Variants in ARB2A observed in about 807,000 individuals in gnomAD.
ARB2A encodes ARB2 cotranscriptional regulator A.
chr5:93,714,769 A>G, the ARB2A span, among the ~76,000 whole-genome samples: 3 of 152,046 alleles, frequency 2.0e-5, no homozygotes, highest in African/African-American at 4.8e-5. Context: ...GTCACCTGCA[A>G]CTCTTACACA....
At chr5:94,041,933 C>T in the ARB2A span, among the ~76,000 whole-genome samples, 1 of 142,904 alleles carries the variant, frequency 7.0e-6, no homozygotes, top group Admixed American at 7.5e-5. Flanking sequence ...CAAGATTTTT[C>T]ACAAAAAAAA....
At chr5:93,714,400 T>C in the ARB2A span, among the ~76,000 whole-genome samples, 1 of 152,212 alleles carries the variant, frequency 6.6e-6, no homozygotes, top group African/African-American at 2.4e-5. Flanking sequence ...GGTGCAAATA[T>C]GCTTCCCAAC....
chr5:93,645,861 G>A, the ARB2A span, among the ~76,000 whole-genome samples: 1 of 152,154 alleles, frequency 6.6e-6, no homozygotes, highest in Non-Finnish European at 1.5e-5. Context: ...GAAGAAATAT[G>A]TAACTAATTC....
chr5:93,718,487 C>T, the ARB2A span, among the ~76,000 whole-genome samples: 2 of 151,682 alleles, frequency 1.3e-5, no homozygotes, highest in Non-Finnish European at 2.9e-5. Flanking sequence ...TTTTTGTATC[C>T]AAAACTCAGA....
the ARB2A span, among the ~76,000 whole-genome samples, chr5:93,892,441 T>C: frequency 6.6e-6 from 1 of 152,212 alleles, no homozygotes; most frequent in Non-Finnish European, 1.5e-5. Context: ...AATTTCACTT[T>C]TAATTCACTT....
At chr5:93,788,953 T>C in the ARB2A span, among the ~76,000 whole-genome samples, 1 of 152,148 alleles carries the variant, frequency 6.6e-6, no homozygotes, top group Admixed American at 6.5e-5. Flanking sequence ...TTTTCCTGTA[T>C]TTGTAGCCTG....
the ARB2A span, among the ~76,000 whole-genome samples, chr5:93,891,524 T>G: frequency 1.3e-5 from 2 of 152,024 alleles, no homozygotes; most frequent in African/African-American, 2.4e-5. Context: ...TCAAAAAAAC[T>G]ACAACACTTT....
the ARB2A span, among the ~76,000 whole-genome samples, chr5:94,062,438 A>G: frequency 6.6e-6 from 1 of 152,148 alleles, no homozygotes; most frequent in African/African-American, 2.4e-5. Context: ...GCAAAGATAA[A>G]AAGGGAAACG....
At chr5:94,054,071 T>C in the ARB2A span, among the ~76,000 whole-genome samples, 2 of 152,064 alleles carry the variant, frequency 1.3e-5, no homozygotes, top group Admixed American at 6.5e-5. Context: ...CCTCGCTGAG[T>C]TTTGGAGTAA....
the ARB2A span, among the ~76,000 whole-genome samples, chr5:93,974,331 T>C: frequency 6.6e-6 from 1 of 152,186 alleles, no homozygotes; most frequent in African/African-American, 2.4e-5. Flanking sequence ...GTTATTCCTA[T>C]ATCAGATAAA....
chr5:93,914,990 C>A, the ARB2A span, among the ~76,000 whole-genome samples: 1 of 151,952 alleles, frequency 6.6e-6, no homozygotes, highest in Admixed American at 6.6e-5. Flanking sequence ...GCCAAGGGAT[C>A]CTTATGAAAT....
chr5:93,964,356 C>A, the ARB2A span: 1 of 792,404 alleles, frequency 1.3e-6, no homozygotes, highest in Non-Finnish European at 2.0e-6. Flanking sequence ...TTAAACTTAT[C>A]ACAGTCAACC....
the ARB2A span, among the ~76,000 whole-genome samples, chr5:94,047,713 A>G: frequency 6.6e-6 from 1 of 152,170 alleles, no homozygotes; most frequent in Non-Finnish European, 1.5e-5. Context: ...CCATATATCC[A>G]AAGAATTATG....
chr5:93,871,801 C>A, the ARB2A span, among the ~76,000 whole-genome samples: 1 of 151,882 alleles, frequency 6.6e-6, no homozygotes, highest in Non-Finnish European at 1.5e-5. Context: ...TAGTAAACAT[C>A]AATAGATATA....
the ARB2A span, among the ~76,000 whole-genome samples, chr5:93,875,800 C>CAA: frequency 1.1e-4 from 12 of 112,654 alleles, no homozygotes; most frequent in Middle Eastern, 4.6e-3. Context: ...GATCTGGGGG[C>CAA]AAAAAAAAAA....
chr5:93,693,992 C>T, the ARB2A span, among the ~76,000 whole-genome samples: 1 of 152,150 alleles, frequency 6.6e-6, no homozygotes, highest in African/African-American at 2.4e-5. Flanking sequence ...AAATTCAACA[C>T]CCCTTCATGC....
At chr5:93,949,212 T>G in the ARB2A span, among the ~76,000 whole-genome samples, 1 of 152,008 alleles carries the variant, frequency 6.6e-6, no homozygotes, top group Non-Finnish European at 1.5e-5. Context: ...CGTGAGATAT[T>G]TTGATGCAGG....
chr5:94,014,471 A>G, the ARB2A span, among the ~76,000 whole-genome samples: 4 of 152,340 alleles, frequency 2.6e-5, no homozygotes, highest in East Asian at 1.9e-4. Context: ...TAATCCTTCA[A>G]TGTGAGGACA....
At chr5:93,885,094 A>C in the ARB2A span, among the ~76,000 whole-genome samples, 1 of 151,594 alleles carries the variant, frequency 6.6e-6, no homozygotes, top group Non-Finnish European at 1.5e-5. Flanking sequence ...TTTAAATTGA[A>C]TAATATCAAC....
Sources: gnomAD v4.1 joint callset for allele counts (sites outside exome capture counted in the v4.1 genomes callset) on GRCh38, gnomAD v4.1.1 for gene constraint, MANE v1.5 for transcripts, NCBI Gene and HGNC (gene_info 2026-07-23, HGNC 2026-07-21) for gene names.